CPE: variants seen among roughly 807,000 people sequenced by gnomAD.
The protein encoded by CPE is carbocypeptidase E.
In CPE, 17 loss-of-function variants were observed where a neutral mutation model predicts 53.5. The observed-to-expected ratio is 0.32, with a 90% confidence interval of 0.22 to 0.48. The LOEUF (loss-of-function observed/expected upper bound fraction) is 0.48. CPE is among the 20% of genes least tolerant of loss of function. The probability of loss-of-function intolerance (pLI) is 0.99; values close to 1 mark genes in which losing one functional copy is unlikely to be tolerated. For missense variants in CPE, 524 were observed against 614.7 expected (o/e 0.85, Z 1.56); for synonymous variants, 226 against 228.8 (o/e 0.99, Z 0.11).
intron 1 of CPE, among the ~76,000 whole-genome samples, chr4:165,422,242 T>C (rs1018419201): frequency 7.9e-5 from 12 of 152,068 alleles, no homozygotes; most frequent in Non-Finnish European, 1.5e-4. Context: ...ATCATTATCA[T>C]TATCACTTTA....
chr4:165,397,533 T>C (rs1192043045), intron 1 of CPE, among the ~76,000 whole-genome samples: 6 of 152,222 alleles, frequency 3.9e-5, no homozygotes, highest in Non-Finnish European at 8.8e-5. Context: ...ATGTTCCTTC[T>C]TACCATGTGA....
chr4:165,389,407 G>T (rs1163546959), intron 1 of CPE, among the ~76,000 whole-genome samples: 1 of 151,964 alleles, frequency 6.6e-6, no homozygotes, highest in African/African-American at 2.4e-5. Flanking sequence ...CTGAGAGGTT[G>T]GTTCTTGTAA....
At chr4:165,408,534 C>T (rs572168841) in intron 1 of CPE, among the ~76,000 whole-genome samples, 9 of 152,248 alleles carry the variant, frequency 5.9e-5, no homozygotes, top group South Asian at 4.2e-4. Context: ...TAAAGGGCAC[C>T]GTAGGAATTT....
At chr4:165,421,880 T>G (rs567183249) in intron 1 of CPE, among the ~76,000 whole-genome samples, 1 of 152,338 alleles carries the variant, frequency 6.6e-6, no homozygotes, top group South Asian at 2.1e-4. Context: ...CATTGTATTG[T>G]TTTTAACCTA....
chr4:165,417,267 T>TC (rs781334512), intron 1 of CPE, among the ~76,000 whole-genome samples: 36 of 152,118 alleles, frequency 2.4e-4, no homozygotes, highest in Non-Finnish European at 4.9e-4. Context: ...TTCCTAGAAG[T>TC]CAAGTGTAGC....
chr4:165,417,994 C>T (rs757438577), intron 1 of CPE, among the ~76,000 whole-genome samples: 17 of 152,124 alleles, frequency 1.1e-4, no homozygotes, highest in Non-Finnish European at 5.9e-5. Flanking sequence ...AAATTCATGT[C>T]GTACTCTTGG....
chr4:165,399,528 C>A (rs1272729184), intron 1 of CPE, among the ~76,000 whole-genome samples: 1 of 152,162 alleles, frequency 6.6e-6, no homozygotes, highest in African/African-American at 2.4e-5. Context: ...CACGCTAACA[C>A]ACCCAGCTAA....
chr4:165,435,464 A>G (rs757748349), intron 1 of CPE, among the ~76,000 whole-genome samples: 1 of 152,198 alleles, frequency 6.6e-6, no homozygotes, highest in Non-Finnish European at 1.5e-5. Flanking sequence ...GTTATGGGTT[A>G]TTATATCATA....
chr4:165,476,349 A>G (rs956168801), intron 3 of CPE, among the ~76,000 whole-genome samples: 6 of 152,046 alleles, frequency 3.9e-5, no homozygotes, highest in Non-Finnish European at 8.8e-5. Flanking sequence ...GGCTGTCTGC[A>G]TGTGCAGTGG....
chr4:165,410,822 CTGTGTG>C (rs3073916), intron 1 of CPE, among the ~76,000 whole-genome samples: 13 of 150,518 alleles, frequency 8.6e-5, no homozygotes, highest in African/African-American at 1.9e-4. Flanking sequence ...GGCAGAAAGA[CTGTGTG>C]TGTGTGTGTG....
intron 1 of CPE, among the ~76,000 whole-genome samples, chr4:165,392,676 T>C (rs780424679): frequency 9.2e-4 from 135 of 147,414 alleles, no homozygotes; most frequent in Non-Finnish European, 1.8e-3. Context: ...ATTATATTTA[T>C]ATATCATATC....
In CPE at chr4:165,495,498, T is replaced by C. The variant is rs572900721; in HGVS notation, c.1214-61T>C. 5 of 1,100,420 alleles carry C rather than the reference T, an allele frequency of 4.5e-6. 1 individual carries two copies. The highest frequency in any genetic ancestry group is 4.1e-5 in the South Asian group (3 of 72,348). 68.2% of individuals were successfully genotyped at this position (1,100,420 alleles called of 1,614,324 possible). On this transcript the variant is annotated intron_variant, in intron 7 of 8. Transcript: ENST00000402744. ...GGGTATTCCTTAGATGGCATAATTA[T>C]GCATTGTGTAATTCTGCATATTTCA...
chr4:165,431,819 T>C (rs1731413214), intron 1 of CPE, among the ~76,000 whole-genome samples: 1 of 151,920 alleles, frequency 6.6e-6, no homozygotes, highest in South Asian at 2.1e-4. Context: ...AATAGCTAAA[T>C]GTATGAGAAA....
intron 8 of CPE, among the ~76,000 whole-genome samples, chr4:165,496,253 T>C (rs769722578): frequency 1.3e-5 from 2 of 152,244 alleles, no homozygotes; most frequent in Non-Finnish European, 2.9e-5. Flanking sequence ...GTAGGATTTC[T>C]TGAAAGTCTA....
chr4:165,460,378 G>A (rs921656601), intron 1 of CPE, among the ~76,000 whole-genome samples: 12 of 152,124 alleles, frequency 7.9e-5, no homozygotes, highest in Non-Finnish European at 1.5e-5. Flanking sequence ...ATAGCTTTGG[G>A]GAGCTGCTTG....
chr4:165,496,920 T>G (rs1395195543), intron 8 of CPE, among the ~76,000 whole-genome samples: 1 of 152,194 alleles, frequency 6.6e-6, no homozygotes, highest in Non-Finnish European at 1.5e-5. Context: ...AGTTACATCC[T>G]CTTTTTTTCT....
intron 1 of CPE, among the ~76,000 whole-genome samples, chr4:165,412,616 A>T (rs1731059580): frequency 6.6e-6 from 1 of 152,208 alleles, no homozygotes; most frequent in Non-Finnish European, 1.5e-5. Flanking sequence ...CCAATTCCAG[A>T]TCCTGTGCTC....
intron 1 of CPE, among the ~76,000 whole-genome samples, chr4:165,459,674 T>TGGGGGGGGGG (rs572743841): frequency 1.2e-3 from 65 of 56,482 alleles, no homozygotes; most frequent in Non-Finnish European, 1.4e-3. Flanking sequence ...GAGGGCTGGG[T>TGGGGGGGGGG]GGGGGGGGGC....
rs144194526 is a variant in CPE at position 165,487,890 on chromosome 4, G to C, written c.1113+313G>C. 5.0e-4 allele frequency among the ~76,000 whole-genome samples: 76 copies of C among 152,220 alleles called. 1 individual carries two copies. The East Asian group carries it at 0.011, about 23-fold the overall frequency. ...ACCCTGATCACCGTGAGGCATCCCA[G>C]GCAGAGCCAGAACAAAAGTAAGGCA... On this transcript the variant is annotated intron_variant, in intron 6 of 8. Transcript: ENST00000402744.
Sources: allele counts gnomAD v4.1 joint callset (sites outside exome capture counted in the v4.1 genomes callset), GRCh38; gene constraint gnomAD v4.1.1; transcripts MANE v1.5; gene names NCBI Gene and HGNC (gene_info 2026-07-23, HGNC 2026-07-21).